Variants in PPM1H observed in about 807,000 individuals in gnomAD.
The protein encoded by PPM1H is protein phosphatase 1H.
PPM1H carries 27 observed loss-of-function variants against 54.9 expected under a neutral mutation model. The ratio of observed to expected loss-of-function variants is 0.49; its 90% confidence interval spans 0.36 to 0.68. The LOEUF is 0.68. Ranked by LOEUF, PPM1H falls within the 30% of genes least tolerant of loss-of-function variation. The probability of loss-of-function intolerance (pLI) is 0.00; values close to 1 mark genes in which losing one functional copy is unlikely to be tolerated. For missense variants in PPM1H, 596 were observed against 667.8 expected (o/e 0.89, Z 1.19); for synonymous variants, 305 against 270.8 (o/e 1.13, Z -1.24).
intron 1 of PPM1H, among the ~76,000 whole-genome samples, chr12:62,867,569 T>TA (rs1411404486): frequency 2.5e-4 from 22 of 89,786 alleles, no homozygotes; most frequent in Middle Eastern, 4.6e-3. Context: ...GCACTATTTT[T>TA]TTTTTTTTTT....
At chr12:62,693,001 G>C (rs1424757935) in intron 7 of PPM1H, among the ~76,000 whole-genome samples, 1 of 150,810 alleles carries the variant, frequency 6.6e-6, no homozygotes, top group African/African-American at 2.5e-5. Context: ...TTTCTTCTGA[G>C]TCATTTCTTC....
At chr12:62,819,996 G>C (rs2076892664) in intron 2 of PPM1H, among the ~76,000 whole-genome samples, 1 of 152,350 alleles carries the variant, frequency 6.6e-6, no homozygotes, top group Non-Finnish European at 1.5e-5. Flanking sequence ...GAAGCGCAAG[G>C]GGTCGGGGAA....
intron 1 of PPM1H, among the ~76,000 whole-genome samples, chr12:62,886,920 C>G (rs1006400058): frequency 6.6e-6 from 1 of 152,170 alleles, no homozygotes; most frequent in African/African-American, 2.4e-5. Context: ...AACCCGGTGG[C>G]AGGTAGGCTG....
At chr12:62,833,349 T>A (rs748966651) in intron 1 of PPM1H, among the ~76,000 whole-genome samples, 2 of 152,218 alleles carry the variant, frequency 1.3e-5, no homozygotes, top group African/African-American at 4.8e-5. Flanking sequence ...TATTTTCAAA[T>A]GACTTTTTAA....
intron 6 of PPM1H, 66 bp downstream of exon 6, chr12:62,720,105 T>G: frequency 1.5e-6 from 2 of 1,361,392 alleles, no homozygotes; most frequent in Non-Finnish European, 1.1e-6. Flanking sequence ...AACTGGCTGT[T>G]TATGGTGGTG....
chr12:62,659,259 G>A (rs893258681), intron 9 of PPM1H: 18 of 59,886 alleles, frequency 3.0e-4, no homozygotes, highest in Admixed American at 4.6e-4. Flanking sequence ...CTAAAAAACC[G>A]TAAAAACTGC....
chr12:62,665,345 G>A (rs545320448), intron 9 of PPM1H, among the ~76,000 whole-genome samples: 9 of 152,206 alleles, frequency 5.9e-5, no homozygotes, highest in African/African-American at 2.2e-4. Context: ...CACAGCACTC[G>A]GCTTTTCTTC....
chr12:62,730,151 T>C (rs2076312587), intron 5 of PPM1H, among the ~76,000 whole-genome samples: 1 of 152,108 alleles, frequency 6.6e-6, no homozygotes, highest in Non-Finnish European at 1.5e-5. Flanking sequence ...CCTATCTCCC[T>C]TTGCTGACTC....
At chr12:62,673,713 C>CTTTTTTTTTTTT (rs1192243731) in intron 8 of PPM1H, among the ~76,000 whole-genome samples, 1 of 47,568 alleles carries the variant, frequency 2.1e-5, no homozygotes, top group Non-Finnish European at 4.5e-5. Flanking sequence ...AGAAGAGCCA[C>CTTTTTTTTTTTT]TCTTTTTTTT....
chr12:62,789,815 A>T (rs1169202805), intron 3 of PPM1H, among the ~76,000 whole-genome samples: 1 of 152,242 alleles, frequency 6.6e-6, no homozygotes, highest in Non-Finnish European at 1.5e-5. Context: ...AATTGATATT[A>T]AAAATAGACC....
intron 4 of PPM1H, among the ~76,000 whole-genome samples, chr12:62,763,044 A>C (rs946540619): frequency 6.6e-6 from 1 of 152,136 alleles, no homozygotes. Flanking sequence ...TCAACAACCC[A>C]AGGAGGCAAG....
intron 1 of PPM1H, among the ~76,000 whole-genome samples, chr12:62,846,747 C>T (rs1868987075): frequency 6.6e-6 from 1 of 151,996 alleles, no homozygotes; most frequent in Non-Finnish European, 1.5e-5. Flanking sequence ...ATCCCTTGTC[C>T]TTCAGTATTC....
chr12:62,672,603 T>C (rs1369663964), intron 8 of PPM1H, among the ~76,000 whole-genome samples: 4 of 152,216 alleles, frequency 2.6e-5, no homozygotes, highest in African/African-American at 9.6e-5. Flanking sequence ...GGGGGGAATC[T>C]CACCTTGAAA....
intron 1 of PPM1H, among the ~76,000 whole-genome samples, chr12:62,862,378 A>G (rs1469816021): frequency 7.2e-5 from 11 of 152,202 alleles, no homozygotes; most frequent in Non-Finnish European, 1.3e-4. Context: ...CACTACATAT[A>G]AGGCTGTGAC....
At chr12:62,860,131 AAGG>A (rs1350441878) in intron 1 of PPM1H, among the ~76,000 whole-genome samples, 1 of 152,176 alleles carries the variant, frequency 6.6e-6, no homozygotes, top group African/African-American at 2.4e-5. Context: ...ATCGAGTCAG[AAGG>A]AGAAGCAAAT....
At chr12:62,851,808 C>A (rs753144157) in intron 1 of PPM1H, among the ~76,000 whole-genome samples, 2 of 152,178 alleles carry the variant, frequency 1.3e-5, no homozygotes, top group Non-Finnish European at 2.9e-5. Context: ...AGAAATTAAA[C>A]ACTGACCTAT....
intron 1 of PPM1H, among the ~76,000 whole-genome samples, chr12:62,888,530 A>G (rs1391577944): frequency 6.6e-6 from 1 of 152,190 alleles, no homozygotes; most frequent in Non-Finnish European, 1.5e-5. Context: ...AAGACAGAAG[A>G]AAACCAAGAA....
rs559084626 is a variant in PPM1H at position 62,648,779 on chromosome 12, T to C, written c.1398-143A>G. 7 of 938,662 alleles carry C rather than the reference T, an allele frequency of 7.5e-6. No homozygotes were observed. In the East Asian group the frequency reaches 1.8e-4, roughly 25 times the overall value. The allele number at this position is 938,662 out of a possible 1,614,324, so 58.1% of individuals were successfully genotyped here. On this transcript the variant is annotated intron_variant, in intron 9 of 9. Transcript: ENST00000228705. ...TTACAATACGAAAAAGACAAGGTCA[T>C]CTTTTCCCAAAATGTAGGACACCTA... is the stretch of plus-strand genomic sequence containing the variant.
intron 1 of PPM1H, among the ~76,000 whole-genome samples, chr12:62,908,407 C>CAAAA (rs751766456): frequency 3.1e-5 from 3 of 96,790 alleles, no homozygotes; most frequent in East Asian, 3.4e-4. Flanking sequence ...GACTCCGTCT[C>CAAAA]AAAAAAAAAA....
Sources: gnomAD v4.1 joint callset for allele counts (sites outside exome capture counted in the v4.1 genomes callset) on GRCh38, gnomAD v4.1.1 for gene constraint, MANE v1.5 for transcripts, NCBI Gene and HGNC (gene_info 2026-07-23, HGNC 2026-07-21) for gene names.